Variants in SPTA1 observed in about 807,000 individuals in gnomAD.
SPTA1 encodes spectrin alpha chain, erythrocytic 1.
In SPTA1, 177 loss-of-function variants were observed where a neutral mutation model predicts 324.7. The ratio of observed to expected loss-of-function variants is 0.55; its 90% confidence interval spans 0.48 to 0.62. The LOEUF is 0.62. Ranked by LOEUF, SPTA1 falls within the 20% of genes least tolerant of loss-of-function variation. The pLI is 0.00. For missense variants in SPTA1, 3,162 were observed against 2,883.6 expected, an observed-to-expected ratio of 1.10 and a Z score of -2.21; for synonymous variants, 1,195 against 1,041.3, an observed-to-expected ratio of 1.15 and a Z score of -2.84.
At chr1:158,686,385 G>T in intron 1 of SPTA1, 109 bp downstream of exon 1, 1 of 856,276 alleles carries the variant, frequency 1.2e-6, no homozygotes, top group Non-Finnish European at 1.9e-6. Context: ...TTTGTTAAAA[G>T]CCAAATAATT....
intron 2 of SPTA1, among the ~76,000 whole-genome samples, chr1:158,683,922 C>A (rs555184339): frequency 6.6e-6 from 1 of 152,018 alleles, no homozygotes; most frequent in Non-Finnish European, 1.5e-5. Flanking sequence ...CAATATAGCA[C>A]ATTATTTTGC....
chr1:158,663,162 A>G (rs1653363010), intron 16 of SPTA1, among the ~76,000 whole-genome samples: 1 of 152,244 alleles, frequency 6.6e-6, no homozygotes, highest in African/African-American at 2.4e-5. Flanking sequence ...TTCTCAAAAC[A>G]TATTTTAGAA....
At chr1:158,658,623 A>G (rs910408209) in intron 18 of SPTA1, among the ~76,000 whole-genome samples, 5 of 152,190 alleles carry the variant, frequency 3.3e-5, no homozygotes, top group Admixed American at 3.3e-4. Flanking sequence ...GAGTACCATA[A>G]CAAAACAGAT....
Position 158,667,880 on chromosome 1 carries a change from C to A in SPTA1, c.2016G>T (p.Leu672Phe). 6.2e-7 allele frequency: 1 copy of A among 1,613,970 alleles called. No homozygotes were observed. The highest frequency in any genetic ancestry group is 8.5e-7 in the Non-Finnish European group (1 of 1,179,970). ...TACCTTTCTGTTTTGTAGCCTCCAG[C>A]AACTCCTCCCAGAGGCTGGCAACTT... ...LSEVASLWEE[L>F]LEATKQKGTQ... Residue 672 changes from leucine to phenylalanine, a missense_variant, in exon 15 of 52, where the codon TTG becomes TTT. Coordinates refer to ENST00000643759, the MANE Select transcript of SPTA1 (RefSeq NM_003126.4).
chr1:158,625,893 G>T lies in SPTA1; in HGVS notation c.5910+253C>A, dbSNP rs961936925. On this transcript the variant is annotated intron_variant, in intron 42 of 51. Transcript: ENST00000643759. ...AATATATAAAGCTTTTAATGGAATA[G>T]AATACACAAAAACCCAGAGAAAAAT... Among the ~76,000 whole-genome samples, 7 of 151,444 alleles carry T rather than the reference G, an allele frequency of 4.6e-5. No homozygotes were observed. In the East Asian group the frequency reaches 1.3e-3, roughly 29 times the overall value.
At chr1:158,630,376 C>CA (rs1182868701) in intron 39 of SPTA1, among the ~76,000 whole-genome samples, 1 of 151,810 alleles carries the variant, frequency 6.6e-6, no homozygotes, top group African/African-American at 2.4e-5. Context: ...ACAAGGGTGC[C>CA]AAAAATATAC....
chr1:158,643,600 C>T (rs969457140), intron 30 of SPTA1, among the ~76,000 whole-genome samples, 175 bp from the exon 31 acceptor site: 1 of 152,124 alleles, frequency 6.6e-6, no homozygotes, highest in African/African-American at 2.4e-5. Context: ...GGAGGAGAAA[C>T]ATCTAATAAT....
intron 43 of SPTA1, among the ~76,000 whole-genome samples, chr1:158,620,986 A>C (rs1649873274): frequency 6.6e-6 from 1 of 152,080 alleles, no homozygotes; most frequent in Non-Finnish European, 1.5e-5. Context: ...TGACAAGGCT[A>C]TGTCATTTTC....
At chr1:158,646,661 G>C (rs978749300) in intron 27 of SPTA1, among the ~76,000 whole-genome samples, 1 of 152,138 alleles carries the variant, frequency 6.6e-6, no homozygotes, top group Non-Finnish European at 1.5e-5. Context: ...AGCACCATTG[G>C]AATGGGTGTG....
intron 37 of SPTA1, 63 bp from the exon 38 acceptor site, chr1:158,636,097 C>G (rs989325447): frequency 6.2e-7 from 1 of 1,613,746 alleles, no homozygotes; most frequent in African/African-American, 1.3e-5. Flanking sequence ...AGCCATAGTC[C>G]CTGAGCAAAG....
At chr1:158,683,601 C>G in intron 2 of SPTA1, 105 bp from the exon 3 acceptor site, 1 of 1,449,130 alleles carries the variant, frequency 6.9e-7, no homozygotes, top group African/African-American at 1.4e-5. Context: ...GGGTCCCAGA[C>G]TCAGAGGCCA....
chr1:158,651,221 G>T, intron 24 of SPTA1, 146 bp downstream of exon 24: 1 of 685,952 alleles, frequency 1.5e-6, no homozygotes, highest in African/African-American at 1.8e-5. Flanking sequence ...TATTGTCTTT[G>T]GCCTTTCCTG....
intron 18 of SPTA1, among the ~76,000 whole-genome samples, chr1:158,658,731 C>A (rs894634390): frequency 6.6e-6 from 1 of 151,890 alleles, no homozygotes; most frequent in Non-Finnish European, 1.5e-5. Flanking sequence ...AAGAGAAAAG[C>A]TTTAAAACAG....
intron 21 of SPTA1, 110 bp from the exon 22 acceptor site, chr1:158,653,535 A>G (rs187152084): frequency 6.9e-7 from 1 of 1,448,140 alleles, no homozygotes; most frequent in Non-Finnish European, 9.5e-7. Flanking sequence ...TGGCAAAGAT[A>G]AGCTAACCAT....
At position 158,644,409 on chromosome 1, in the gene SPTA1, A is replaced by C; in HGVS notation, c.4195-13T>G. The C allele has an allele frequency of 1.2e-6, 2 of 1,613,656 alleles. No individual in the cohort carries two copies. Among genetic ancestry groups the C allele is most frequent in the Non-Finnish European group, 1.7e-6 (2 of 1,179,738 alleles). ...TCCCCTGGAACATCTATGAGGAATC[A>C]AATGAGAGGGGTATGGTATAGTCCA... On this transcript the variant is annotated splice_polypyrimidine_tract_variant and intron_variant, in intron 29 of 51. Transcript: ENST00000643759.
In SPTA1 at chr1:158,620,228, G is replaced by C. The variant is rs182897201; in HGVS notation, c.6359C>G (p.Thr2120Ser). The C allele has an allele frequency of 8.1e-6, 13 of 1,614,118 alleles. No individual in the cohort carries two copies. The East Asian group carries it at 2.7e-4, about 33-fold the overall frequency. The change falls in exon 44 of 52, where the codon ACC becomes AGC. Residue 2120 changes from threonine to serine, a missense_variant. By Grantham distance (58) the Thr-to-Ser change is moderately conservative. Transcript: ENST00000643759. Reference protein sequence around the residue: ...KALGVPSSPYTWLTVEVLERT... With the variant: ...KALGVPSSPYSWLTVEVLERT... The stretch of plus-strand genomic sequence containing the variant: ...TTCCAGCACCTCCACTGTTAACCAG[G>C]TATAAGGGCTGGAAGGCACACCTAA...
chr1:158,612,492 A>G (rs1649318843), intron 51 of SPTA1: 2 of 356,292 alleles, frequency 5.6e-6, no homozygotes, highest in South Asian at 2.4e-5. Flanking sequence ...GTGTCTTACT[A>G]AAGTTTGCAC....
In SPTA1 at chr1:158,620,470, C is replaced by A. The variant is rs376953794; in HGVS notation, c.6121-4G>T. 11 of 1,611,512 alleles carry A rather than the reference C, an allele frequency of 6.8e-6. No homozygotes were observed. Among genetic ancestry groups the A allele is most frequent in the East Asian group, 2.2e-5 (1 of 44,858 alleles). Reference sequence around the variant, plus strand: ...ATTCCACGAACAGGTCCTCAGCCTGCAGAGAGAAAAAAAAGACACTACCAT... The same window carrying A: ...ATTCCACGAACAGGTCCTCAGCCTGAAGAGAGAAAAAAAAGACACTACCAT... On this transcript the variant is annotated splice_polypyrimidine_tract_variant and splice_region_variant and intron_variant, in intron 43 of 51. Transcript: ENST00000643759.
intron 8 of SPTA1, among the ~76,000 whole-genome samples, chr1:158,675,541 CAG>C (rs1654335935): frequency 6.6e-6 from 1 of 152,094 alleles, no homozygotes; most frequent in South Asian, 2.1e-4. Context: ...CCAGAAACTG[CAG>C]ATAGTACCAA....
Sources: gnomAD v4.1 joint callset for allele counts (sites outside exome capture counted in the v4.1 genomes callset) on GRCh38, gnomAD v4.1.1 for gene constraint, MANE v1.5 for transcripts, NCBI Gene and HGNC (gene_info 2026-07-23, HGNC 2026-07-21) for gene names.